Variants in UVRAG observed in about 807,000 individuals in gnomAD.
The protein encoded by UVRAG is UV radiation resistance associated.
Under a neutral mutation model 78.0 loss-of-function variants are expected in UVRAG, and 19 were observed. The ratio of observed to expected loss-of-function variants is 0.24; its 90% CI spans 0.17 to 0.36. The LOEUF is 0.36. Ranked by LOEUF, UVRAG falls within the 10% of genes least tolerant of loss-of-function variation. The probability of loss-of-function intolerance (pLI) is 1.00; values close to 1 mark genes in which losing one functional copy is unlikely to be tolerated. For synonymous variants in UVRAG, 323 were observed against 324.6 expected, an observed-to-expected ratio of 1.00 and a Z score of 0.05; for missense variants, 740 against 853.8, an observed-to-expected ratio of 0.87 and a Z score of 1.66.
At chr11:76,037,240 G>T (rs1950550927) in intron 12 of UVRAG, among the ~76,000 whole-genome samples, 1 of 152,100 alleles carries the variant, frequency 6.6e-6, no homozygotes, top group Non-Finnish European at 1.5e-5. Context: ...TATGCAAGCT[G>T]AATCTGGCAA....
At chr11:75,982,196 C>G (rs1184170951) in intron 7 of UVRAG, among the ~76,000 whole-genome samples, 1 of 152,126 alleles carries the variant, frequency 6.6e-6, no homozygotes, top group East Asian at 1.9e-4. Flanking sequence ...TGAGACCTCT[C>G]TGGTAGGGGA....
intron 14 of UVRAG, chr11:76,137,257 C>T (rs1952613567): frequency 4.4e-6 from 2 of 449,862 alleles, no homozygotes; most frequent in South Asian, 3.1e-5. Context: ...CGGGCAGGGG[C>T]ACTGATTCAA....
chr11:75,847,969 C>CA lies in UVRAG; in HGVS notation c.118-3900dup, dbSNP rs35386754. 9.8e-3 allele frequency among the ~76,000 whole-genome samples: 680 copies of CA among 69,530 alleles called. 6 individuals are homozygous for CA. The highest frequency in any genetic ancestry group is 0.047 in the South Asian group (101 of 2,150). 45.6% of individuals were successfully genotyped at this position (69,530 alleles called of 152,430 possible). On this transcript the variant is annotated intron_variant, in intron 1 of 14. Transcript: ENST00000356136. ...CTGGCAACAGAGTGAGACTGTGTCT[C>CA]AAAAAAAAAAAAAAGAAAAAAGGAT...
chr11:75,951,413 G>A (rs947669472), intron 6 of UVRAG, among the ~76,000 whole-genome samples: 28 of 149,370 alleles, frequency 1.9e-4, no homozygotes, highest in African/African-American at 5.4e-4. Flanking sequence ...ATGGAGTTTC[G>A]CTCTTGTTGC....
chr11:76,107,463 A>G (rs762531028), intron 13 of UVRAG, among the ~76,000 whole-genome samples: 12 of 152,234 alleles, frequency 7.9e-5, no homozygotes, highest in Non-Finnish European at 1.8e-4. Context: ...TTCAATTACT[A>G]GACTTTAAAG....
chr11:75,991,916 A>G (rs967507455), intron 8 of UVRAG, among the ~76,000 whole-genome samples: 15 of 152,112 alleles, frequency 9.9e-5, no homozygotes, highest in Admixed American at 7.9e-4. Context: ...TTGTATTTAT[A>G]TTTTATAGAA....
chr11:75,963,623 T>A (rs982185006), intron 7 of UVRAG, among the ~76,000 whole-genome samples: 53 of 152,344 alleles, frequency 3.5e-4, no homozygotes, highest in Admixed American at 3.5e-3. Flanking sequence ...AGAAGGCATA[T>A]TTGATGTTGA....
At chr11:75,885,016 C>T (rs1222159511) in intron 4 of UVRAG, among the ~76,000 whole-genome samples, 1 of 150,814 alleles carries the variant, frequency 6.6e-6, no homozygotes, top group African/African-American at 2.5e-5. Flanking sequence ...ATATGTCTCT[C>T]CATTTATAAA....
intron 12 of UVRAG, among the ~76,000 whole-genome samples, chr11:76,029,478 G>C (rs1350953931): frequency 6.6e-6 from 1 of 152,106 alleles, no homozygotes; most frequent in African/African-American, 2.4e-5. Flanking sequence ...ATGCGATTCA[G>C]AATATTCATG....
At chr11:75,824,669 A>ATTTTTTTTTTTTTTTTTTTTT (rs1217028567) in intron 1 of UVRAG, among the ~76,000 whole-genome samples, 1 of 118,658 alleles carries the variant, frequency 8.4e-6, no homozygotes. Flanking sequence ...GAAGTTTGTC[A>ATTTTTTTTTTTTTTTTTTTTT]TTTTTTTTTT....
At chr11:75,849,296 A>G (rs1230909392) in intron 1 of UVRAG, among the ~76,000 whole-genome samples, 8 of 152,140 alleles carry the variant, frequency 5.3e-5, no homozygotes, top group Non-Finnish European at 1.0e-4. Context: ...ACGAGGTCAG[A>G]AGATTGAGAC....
intron 12 of UVRAG, among the ~76,000 whole-genome samples, chr11:76,056,599 A>C (rs1950989627): frequency 6.6e-6 from 1 of 152,068 alleles, no homozygotes; most frequent in South Asian, 2.1e-4. Context: ...ATCCCTGTAA[A>C]GTTCCTCACA....
chr11:76,111,563 G>T (rs576622109), intron 13 of UVRAG, among the ~76,000 whole-genome samples: 3 of 152,282 alleles, frequency 2.0e-5, no homozygotes, highest in South Asian at 4.1e-4. Flanking sequence ...TTACCAAAAG[G>T]TGATTACGTG....
chr11:75,941,683 A>G (rs1591044193), intron 6 of UVRAG, among the ~76,000 whole-genome samples: 2 of 152,206 alleles, frequency 1.3e-5, no homozygotes, highest in Admixed American at 1.3e-4. Flanking sequence ...GCAACCTGAT[A>G]TTATTTCCTT....
chr11:76,100,344 T>C (rs913772916), intron 13 of UVRAG, among the ~76,000 whole-genome samples: 2 of 152,138 alleles, frequency 1.3e-5, no homozygotes, highest in African/African-American at 4.8e-5. Flanking sequence ...CTCTATACTA[T>C]TGTTAAGGAC....
intron 13 of UVRAG, among the ~76,000 whole-genome samples, chr11:76,080,428 T>C (rs1156629019): frequency 1.3e-5 from 2 of 152,168 alleles, no homozygotes; most frequent in African/African-American, 4.8e-5. Context: ...CATGTTTGTT[T>C]TGTGGGACTT....
chr11:76,140,607 T>G, intron 14 of UVRAG, 104 bp from the exon 15 acceptor site: 2 of 1,133,252 alleles, frequency 1.8e-6, no homozygotes, highest in South Asian at 3.3e-5. Context: ...TTATCTATTT[T>G]TATTAGCTCA....
chr11:75,987,005 AGTT>A (rs1478037245), intron 8 of UVRAG, among the ~76,000 whole-genome samples: 2 of 152,182 alleles, frequency 1.3e-5, no homozygotes, highest in Non-Finnish European at 2.9e-5. Context: ...TCCACTCATC[AGTT>A]GTTGGACATT....
intron 8 of UVRAG, among the ~76,000 whole-genome samples, chr11:75,989,045 A>T (rs547651167): frequency 1.3e-5 from 2 of 151,528 alleles, no homozygotes; most frequent in Non-Finnish European, 2.9e-5. Context: ...TTTATTCATC[A>T]TTTTTTTTAA....
Sources: gnomAD v4.1 joint callset for allele counts (sites outside exome capture counted in the v4.1 genomes callset) on GRCh38, gnomAD v4.1.1 for gene constraint, MANE v1.5 for transcripts, NCBI Gene and HGNC (gene_info 2026-07-23, HGNC 2026-07-21) for gene names.